GLIS3: variants seen among roughly 807,000 people sequenced by gnomAD.
GLIS3 encodes the protein zinc finger protein GLIS3.
A neutral mutation model predicts 78.6 loss-of-function variants in GLIS3; 53 were observed. That is an observed-to-expected ratio of 0.67 (90% CI 0.54 to 0.85). GLIS3 has a LOEUF of 0.85. Among genes scored for constraint, GLIS3 ranks in the 40% least tolerant of loss-of-function variants. The pLI, the probability that GLIS3 is intolerant of heterozygous loss-of-function variation, is 0.00. For synonymous variants in GLIS3, 684 were observed against 509.9 expected, an observed-to-expected ratio of 1.34 and a Z score of -4.60; for missense variants, 1,703 against 1,231.1, an observed-to-expected ratio of 1.38 and a Z score of -5.74.
intron 4 of GLIS3, among the ~76,000 whole-genome samples, chr9:4,084,944 T>C (rs1233736287): frequency 6.6e-6 from 1 of 151,596 alleles, no homozygotes; most frequent in East Asian, 1.9e-4. Context: ...GGTGACTCCA[T>C]CCTAGATGAA....
At chr9:4,391,264 G>C in the GLIS3 span, among the ~76,000 whole-genome samples, 1 of 152,180 alleles carries the variant, frequency 6.6e-6, no homozygotes, top group Non-Finnish European at 1.5e-5. Context: ...CTCCAGAAGA[G>C]CCTGCCTCCA....
At chr9:4,236,905 T>C (rs1002607280) in intron 2 of GLIS3, among the ~76,000 whole-genome samples, 7 of 152,152 alleles carry the variant, frequency 4.6e-5, no homozygotes, top group African/African-American at 1.7e-4. Flanking sequence ...CCATAACAAT[T>C]CATTAAAAAT....
At chr9:4,167,017 TAAGA>T (rs1377621997) in intron 2 of GLIS3, among the ~76,000 whole-genome samples, 2 of 152,216 alleles carry the variant, frequency 1.3e-5, no homozygotes, top group East Asian at 1.9e-4. Context: ...AAGGTGGATA[TAAGA>T]AAGACAGACG....
chr9:4,452,647 C>T, the GLIS3 span, among the ~76,000 whole-genome samples: 3 of 152,166 alleles, frequency 2.0e-5, no homozygotes, highest in Non-Finnish European at 4.4e-5. Flanking sequence ...GAACTACAAA[C>T]CACTGCTCAA....
At chr9:4,122,691 G>T (rs112145930) in intron 3 of GLIS3, among the ~76,000 whole-genome samples, 1 of 152,170 alleles carries the variant, frequency 6.6e-6, no homozygotes, top group African/African-American at 2.4e-5. Context: ...TACAATGCAT[G>T]TGAAAACACT....
chr9:4,387,553 G>C, the GLIS3 span, among the ~76,000 whole-genome samples: 1 of 152,194 alleles, frequency 6.6e-6, no homozygotes, highest in Admixed American at 6.5e-5. Context: ...CAGTGCAGCA[G>C]GGAGACTATT....
intron 7 of GLIS3, among the ~76,000 whole-genome samples, chr9:3,880,190 G>GCCTT (rs1821633609): frequency 6.6e-6 from 1 of 152,120 alleles, no homozygotes; most frequent in South Asian, 2.1e-4. Context: ...AATATACTTG[G>GCCTT]CCTTCATCAA....
the GLIS3 span, among the ~76,000 whole-genome samples, chr9:4,408,853 G>A: frequency 6.6e-6 from 1 of 151,486 alleles, no homozygotes; most frequent in Non-Finnish European, 1.5e-5. Flanking sequence ...TAATTGGATT[G>A]TTTGTAACAT....
In GLIS3 at chr9:4,007,182, C is replaced by T. The variant is rs498191; in HGVS notation, c.1711-69993G>A. Among the ~76,000 whole-genome samples, 738 of 152,236 alleles carry T rather than the reference C, an allele frequency of 4.8e-3. 6 individuals carry two copies. Among genetic ancestry groups the T allele is most frequent in the African/African-American group, 0.017 (716 of 41,514 alleles). ...ACAGGGTCACAGTGCTTGGTTCAGC[C>T]GTGCTTGAGCCTGCTTGGTGCTGCC... On this transcript the variant is annotated intron_variant, in intron 4 of 10. Transcript: ENST00000381971.
chr9:4,382,466 T>C, the GLIS3 span, among the ~76,000 whole-genome samples: 2 of 152,328 alleles, frequency 1.3e-5, 1 homozygote, highest in South Asian at 4.1e-4. Flanking sequence ...AAGAATCTCC[T>C]CTTCCTGGAA....
chr9:4,184,535 G>C (rs1020337408), intron 2 of GLIS3, among the ~76,000 whole-genome samples: 4 of 152,118 alleles, frequency 2.6e-5, no homozygotes, highest in Non-Finnish European at 5.9e-5. Flanking sequence ...CCCTAATCCG[G>C]GACTGGGAGA....
intron 7 of GLIS3, among the ~76,000 whole-genome samples, chr9:3,885,465 C>T (rs1822013251): frequency 6.6e-6 from 1 of 152,148 alleles, no homozygotes; most frequent in African/African-American, 2.4e-5. Flanking sequence ...CCGGTATTAC[C>T]CACACACTGT....
At chr9:3,970,255 C>G (rs1818280200) in intron 4 of GLIS3, among the ~76,000 whole-genome samples, 1 of 152,040 alleles carries the variant, frequency 6.6e-6, no homozygotes, top group African/African-American at 2.4e-5. Flanking sequence ...TTCACTGATG[C>G]TAGTAAAGGG....
chr9:4,076,683 A>G (rs1188193976), intron 4 of GLIS3, among the ~76,000 whole-genome samples: 1 of 152,206 alleles, frequency 6.6e-6, no homozygotes, highest in Non-Finnish European at 1.5e-5. Flanking sequence ...ATATGTACTA[A>G]AAAATGAATG....
chr9:4,143,489 C>T (rs1833967424), intron 2 of GLIS3, among the ~76,000 whole-genome samples: 1 of 152,000 alleles, frequency 6.6e-6, no homozygotes, highest in Non-Finnish European at 1.5e-5. Context: ...ATTGCTTGAA[C>T]CCAGGAGGTG....
At chr9:4,081,305 C>A (rs898898394) in intron 4 of GLIS3, 1 of 152,322 alleles carries the variant, frequency 6.6e-6, no homozygotes, top group Admixed American at 6.5e-5. Flanking sequence ...CCACATTAAC[C>A]CTTTTTACCC....
In GLIS3 at chr9:3,856,088, C is replaced by T. The variant is rs1819768063; in HGVS notation, c.2394G>A (p.Gln798=). The stretch of plus-strand genomic sequence containing the variant: ...ACTTCAGGTGTGAACCTGATGGCTG[C>T]TGGGTATAGGGAGGCTGTGTTCTTT... ...ILQRTQPPYT[Q]QPSGSHLKSY... The change falls in exon 9 of 11, where the codon CAG becomes CAA. Residue 798 remains glutamine (Q), a synonymous_variant. Transcript: ENST00000381971. 6.2e-7 allele frequency: 1 copy of T among 1,614,044 alleles called. No homozygotes were observed. Among genetic ancestry groups the T allele is most frequent in the African/African-American group, 1.3e-5 (1 of 74,920 alleles).
intron 7 of GLIS3, among the ~76,000 whole-genome samples, chr9:3,881,511 GGTCT>G (rs1202170760): frequency 2.0e-5 from 3 of 152,132 alleles, no homozygotes; most frequent in Admixed American, 2.0e-4. Context: ...GCTTCTCAGA[GGTCT>G]GTATTAGCTA....
chr9:4,241,934 T>C (rs1002664222), intron 2 of GLIS3, among the ~76,000 whole-genome samples: 4 of 152,230 alleles, frequency 2.6e-5, no homozygotes, highest in African/African-American at 9.6e-5. Context: ...TCTGCTTGCC[T>C]TGGCCTCCCA....
Sources: gnomAD v4.1 joint callset for allele counts (sites outside exome capture counted in the v4.1 genomes callset) on GRCh38, gnomAD v4.1.1 for gene constraint, MANE v1.5 for transcripts, NCBI Gene and HGNC (gene_info 2026-07-23, HGNC 2026-07-21) for gene names.